UFL1: variants seen among roughly 807,000 people sequenced by gnomAD.
The protein encoded by UFL1 is E3 UFM1-protein ligase 1.
Under a neutral mutation model 99.3 loss-of-function variants are expected in UFL1, and 78 were observed. The ratio of observed to expected loss-of-function variants is 0.79; its 90% CI spans 0.65 to 0.95. The LOEUF is 0.95. UFL1 is among the 40% of genes least tolerant of loss of function. The pLI is 0.00. For synonymous variants in UFL1, 335 were observed against 322.2 expected, an observed-to-expected ratio of 1.04 and a Z score of -0.42; for missense variants, 936 against 937.0, an observed-to-expected ratio of 1.00 and a Z score of 0.01.
intron 6 of UFL1, among the ~76,000 whole-genome samples, chr6:96,531,897 A>G (rs7749219): frequency 0.18 from 27,849 of 152,092 alleles, 2,577 homozygotes; most frequent in East Asian, 0.26. Flanking sequence ...TGGCTTCCAG[A>G]TAGTACCATT....
intron 18 of UFL1, among the ~76,000 whole-genome samples, chr6:96,553,079 T>C (rs1204061517): frequency 1.3e-5 from 2 of 152,082 alleles, no homozygotes; most frequent in Admixed American, 6.6e-5. Flanking sequence ...AGTCAACTTA[T>C]GGTAAAGTGA....
At position 96,521,900 on chromosome 6, in the gene UFL1, G is replaced by A. The variant is rs748439570; in HGVS notation, c.27G>A (p.Arg9=). 1.2e-6 allele frequency: 2 copies of A among 1,612,654 alleles called. No individual in the cohort carries two copies. Among genetic ancestry groups the A allele is most frequent in the East Asian group, 2.2e-5 (1 of 44,846 alleles). The change falls in exon 1 of 19, where the codon AGG becomes AGA. Residue 9 remains arginine, a synonymous_variant. Coordinates refer to ENST00000369278, the MANE Select transcript of UFL1 (RefSeq NM_015323.5). MADAWEEI[R]RLAADFQRAQ... is the part of the protein sequence containing the mutation. ...TGGCGGACGCCTGGGAAGAGATTAG[G>A]CGGTTGGCGGCCGACTTCCAGCGGG...
chr6:96,527,608 A>T (rs1191025298), intron 5 of UFL1, among the ~76,000 whole-genome samples: 1 of 152,170 alleles, frequency 6.6e-6, no homozygotes, highest in African/African-American at 2.4e-5. Context: ...TCAGGAGCTG[A>T]AATTATATTT....
intron 3 of UFL1, among the ~76,000 whole-genome samples, chr6:96,525,069 TTTC>T (rs1769679378): frequency 6.6e-6 from 1 of 151,682 alleles, no homozygotes; most frequent in African/African-American, 2.4e-5. Context: ...AATTTCTTTC[TTTC>T]TTTTTTTTTT....
chr6:96,540,761 T>C, intron 11 of UFL1, 106 bp downstream of exon 11: 10 of 1,378,502 alleles, frequency 7.3e-6, no homozygotes, highest in Non-Finnish European at 8.7e-6. Flanking sequence ...GTTTTATTGA[T>C]TTACCTTTAA....
At chr6:96,541,756 A>C (rs576273663) in intron 11 of UFL1, among the ~76,000 whole-genome samples, 1 of 151,416 alleles carries the variant, frequency 6.6e-6, no homozygotes. Flanking sequence ...ATTAAAAGTT[A>C]AGGGTCATTT....
chr6:96,553,045 A>C (rs535388913), intron 18 of UFL1, among the ~76,000 whole-genome samples: 1 of 152,174 alleles, frequency 6.6e-6, no homozygotes, highest in Admixed American at 6.5e-5. Flanking sequence ...TGATAGAACC[A>C]GGTGATAAGT....
intron 12 of UFL1, among the ~76,000 whole-genome samples, chr6:96,544,437 G>C (rs1286405372): frequency 6.6e-6 from 1 of 150,728 alleles, no homozygotes; most frequent in Non-Finnish European, 1.5e-5. Context: ...AATAGATTGA[G>C]ATTTATATTT....
intron 8 of UFL1, 42 bp downstream of exon 8, chr6:96,536,432 A>G (rs576589658): frequency 1.1e-4 from 164 of 1,505,510 alleles, no homozygotes; most frequent in Non-Finnish European, 1.4e-4. Context: ...TATTTTTAAC[A>G]CTAAACTCAT....
chr6:96,543,071 TTTC>T, intron 12 of UFL1, 55 bp downstream of exon 12: 1 of 1,532,254 alleles, frequency 6.5e-7, no homozygotes, highest in Middle Eastern at 1.7e-4. Flanking sequence ...TGTAACATAT[TTTC>T]TTAAGATGTA....
intron 7 of UFL1, among the ~76,000 whole-genome samples, chr6:96,534,760 C>T (rs1196061779): frequency 6.6e-6 from 1 of 151,204 alleles, no homozygotes; most frequent in Non-Finnish European, 1.5e-5. Flanking sequence ...CATATTAACT[C>T]GAAAATAATC....
In UFL1 at chr6:96,553,449, A is replaced by G. The variant is rs766860232; in HGVS notation, c.2331A>G (p.Ser777=). Reference sequence around the variant, plus strand: ...GTAAAGAGCTTCAAGAACTTTCTTCATCCATTAAAGACCTTGTTCTCAAAT... The same window carrying G: ...GTAAAGAGCTTCAAGAACTTTCTTCGTCCATTAAAGACCTTGTTCTCAAAT... ...TTRKELQELS[S]SIKDLVLKSR... Residue 777 remains serine, a synonymous_variant, in exon 19 of 19, where the codon TCA becomes TCG. Coordinates refer to ENST00000369278, the MANE Select transcript of UFL1 (RefSeq NM_015323.5). 2 of 1,613,752 alleles carry G rather than the reference A, an allele frequency of 1.2e-6. No homozygotes were observed. The highest frequency in any genetic ancestry group is 2.2e-5 in the South Asian group (2 of 91,070).
intron 17 of UFL1, among the ~76,000 whole-genome samples, chr6:96,552,244 CA>C (rs1770091207): frequency 6.6e-6 from 1 of 151,872 alleles, no homozygotes; most frequent in South Asian, 2.1e-4. Context: ...CAACTCAAAA[CA>C]AAAAACATAC....
chr6:96,545,100 A>T (rs887296714), intron 12 of UFL1, among the ~76,000 whole-genome samples: 1 of 151,120 alleles, frequency 6.6e-6, no homozygotes, highest in African/African-American at 2.4e-5. Context: ...TGTGAACATT[A>T]GGAATGGACA....
intron 4 of UFL1, among the ~76,000 whole-genome samples, chr6:96,525,908 T>C (rs1038726224): frequency 6.6e-6 from 1 of 151,578 alleles, no homozygotes; most frequent in African/African-American, 2.4e-5. Context: ...CAAAACCCAT[T>C]TCACTAATTA....
chr6:96,535,528 T>C (rs1287556083), intron 7 of UFL1, among the ~76,000 whole-genome samples: 2 of 152,042 alleles, frequency 1.3e-5, no homozygotes, highest in Non-Finnish European at 2.9e-5. Flanking sequence ...TTGCAAGCAA[T>C]TTACTTGAAT....
intron 5 of UFL1, among the ~76,000 whole-genome samples, chr6:96,527,465 A>G (rs1380362543): frequency 6.6e-6 from 1 of 152,136 alleles, no homozygotes; most frequent in Non-Finnish European, 1.5e-5. Flanking sequence ...CCAACTTGCA[A>G]AATTGGCCAA....
intron 4 of UFL1, 90 bp downstream of exon 4, chr6:96,525,484 T>G (rs184340466): frequency 1.2e-5 from 11 of 916,942 alleles, no homozygotes; most frequent in Middle Eastern, 3.2e-4. Flanking sequence ...TTATGGCCAG[T>G]TAGACATTTC....
chr6:96,540,478 T>A (rs540582184), intron 10 of UFL1, 57 bp from the exon 11 acceptor site: 1 of 1,560,524 alleles, frequency 6.4e-7, no homozygotes, highest in South Asian at 1.2e-5. Flanking sequence ...AAACAACTTT[T>A]ATGCTTTTGG....
Sources: gnomAD v4.1 joint callset for allele counts (sites outside exome capture counted in the v4.1 genomes callset) on GRCh38, gnomAD v4.1.1 for gene constraint, MANE v1.5 for transcripts, NCBI Gene and HGNC (gene_info 2026-07-23, HGNC 2026-07-21) for gene names.